POLR1C: variants seen among roughly 807,000 people sequenced by gnomAD.
POLR1C encodes the protein RNA polymerase I and III subunit C.
In POLR1C, 42 loss-of-function variants were observed where a neutral mutation model predicts 38.3. That is an observed-to-expected ratio of 1.10 (90% CI 0.86 to 1.42). The LOEUF (loss-of-function observed/expected upper bound fraction) is 1.42, where lower values mean the gene tolerates loss of function less well. Among genes scored for constraint, POLR1C ranks in the 40% most tolerant of loss-of-function variants. The pLI is 0.00. For synonymous variants in POLR1C, 163 were observed against 163.9 expected, an observed-to-expected ratio of 0.99 and a Z score of 0.04; for missense variants, 507 against 450.5, an observed-to-expected ratio of 1.13 and a Z score of -1.14.
At chr6:43,527,544 G>C in intron 8 of POLR1C, 5 of 1,300,530 alleles carry the variant, frequency 3.8e-6, no homozygotes, top group Non-Finnish European at 5.5e-6. Context: ...TGAATCCTTT[G>C]CATTAGTCAG....
In POLR1C at chr6:43,521,252, G is replaced by A. The variant is rs753847505; in HGVS notation, c.993G>A (p.Gly331=). The A allele has an allele frequency of 2.5e-6, 4 of 1,613,220 alleles. No individual in the cohort carries two copies. Residue 331 remains glycine, a synonymous_variant, in exon 9 of 9, where the codon GGG becomes GGA. Transcript: ENST00000642195. The stretch of plus-strand genomic sequence containing the variant: ...GTGAAGCCATCAAAGTACTGATGGG[G>A]AAGTGCCGGCGCTTCTTGGATGAAC... ...LVSEAIKVLM[G]KCRRFLDELD... is the part of the protein sequence containing the mutation.
intron 9 of POLR1C, among the ~76,000 whole-genome samples, chr6:43,545,297 C>T (rs1794908075): frequency 6.6e-6 from 1 of 152,168 alleles, no homozygotes; most frequent in Non-Finnish European, 1.5e-5. Context: ...GGTGTCTATT[C>T]CCAGGAGAGT....
chr6:43,546,221 T>C (rs1446688185), intron 9 of POLR1C, among the ~76,000 whole-genome samples: 1 of 152,102 alleles, frequency 6.6e-6, no homozygotes, highest in African/African-American at 2.4e-5. Flanking sequence ...AGAAGGCAAC[T>C]GCCCTGCTCC....
chr6:43,521,214 G>C lies in POLR1C; in HGVS notation c.955G>C (p.Asp319His), dbSNP rs1360823560. 6.2e-7 allele frequency: 1 copy of C among 1,614,090 alleles called. No individual in the cohort carries two copies. The highest frequency in any genetic ancestry group is 8.5e-7 in the Non-Finnish European group (1 of 1,180,026). ...SVESTGVLPP[D>H]VLVSEAIKVL... is the part of the protein sequence containing the mutation. ...TGAGTCAACGGGGGTGTTGCCACCA[G>C]ATGTGCTGGTGAGTGAAGCCATCAA... Residue 319 changes from aspartate to histidine, a missense_variant, in exon 9 of 9, where the codon GAT becomes CAT. Asp to His is a moderately conservative substitution (Grantham distance 81). Transcript: ENST00000642195.
At chr6:43,546,669 T>A in intron 9 of POLR1C, 1 of 1,613,484 alleles carries the variant, frequency 6.2e-7, no homozygotes, top group South Asian at 1.1e-5. Context: ...CCACCACAAA[T>A]CCCCCAGCTT....
At chr6:43,525,727 G>A, downstream of POLR1C, 1 of 1,136,478 alleles carries the variant, frequency 8.8e-7, no homozygotes, top group Non-Finnish European at 1.2e-6. Context: ...AGGAACTTAT[G>A]TAACAAAGGA....
chr6:43,523,469 T>C (rs1793326735), downstream of POLR1C: 2 of 359,238 alleles, frequency 5.6e-6, no homozygotes, highest in East Asian at 7.2e-5. Flanking sequence ...AGTTGAGGGC[T>C]GTGCTCTTGC....
chr6:43,549,772 T>A, intron 9 of POLR1C: 1 of 1,217,254 alleles, frequency 8.2e-7, no homozygotes, highest in Non-Finnish European at 1.2e-6. Context: ...AAACAACATA[T>A]ATGATAATCT....
chr6:43,532,942 C>T (rs1794074296), downstream of POLR1C, among the ~76,000 whole-genome samples: 4 of 152,070 alleles, frequency 2.6e-5, no homozygotes, highest in African/African-American at 4.8e-5. Context: ...GTCATGAGTT[C>T]GAGACCAGCC....
At chr6:43,562,243 T>C (rs1202717858) in exon 11 of POLR1C, 1 of 1,601,262 alleles carries the variant, frequency 6.2e-7, no homozygotes. Context: ...AAACACTAGC[T>C]CACCAGCAAT....
intron 8 of POLR1C, chr6:43,527,507 C>T (rs1293768383): frequency 6.8e-6 from 6 of 876,976 alleles, no homozygotes; most frequent in Admixed American, 2.4e-5. Flanking sequence ...CTTTTGACCT[C>T]GCAATCCACC....
intron 9 of POLR1C, among the ~76,000 whole-genome samples, chr6:43,536,330 G>A (rs1409535736): frequency 6.6e-6 from 1 of 151,002 alleles, no homozygotes. Context: ...CATAAGAATC[G>A]CTTGAACCCA....
downstream of POLR1C, chr6:43,533,856 A>G (rs1794153767): frequency 4.1e-5 from 57 of 1,375,756 alleles, no homozygotes; most frequent in Non-Finnish European, 5.5e-5. Flanking sequence ...AAAAGGGGAC[A>G]TCCATTAGGG....
downstream of POLR1C, among the ~76,000 whole-genome samples, chr6:43,522,143 A>G (rs1276107100): frequency 6.6e-6 from 1 of 152,194 alleles, no homozygotes; most frequent in Non-Finnish European, 1.5e-5. Flanking sequence ...CACTGTGAGA[A>G]TGGTATGGGC....
chr6:43,518,288 A>C (rs902233581), intron 2 of POLR1C, among the ~76,000 whole-genome samples: 5 of 152,230 alleles, frequency 3.3e-5, no homozygotes, highest in African/African-American at 1.2e-4. Context: ...GAAATAGAGC[A>C]AAGGTAGAAT....
At chr6:43,547,578 T>A in intron 9 of POLR1C, 1 of 1,607,334 alleles carries the variant, frequency 6.2e-7, no homozygotes, top group Non-Finnish European at 8.5e-7. Context: ...CCATGGCCAA[T>A]GCCACTTCCC....
chr6:43,553,283 C>A (rs758934156), intron 10 of POLR1C: 11 of 1,449,512 alleles, frequency 7.6e-6, no homozygotes, highest in Non-Finnish European at 1.0e-5. Context: ...GCCTGAGCAA[C>A]AGAGAGATAT....
downstream of POLR1C, chr6:43,533,975 A>G: frequency 6.2e-7 from 1 of 1,605,642 alleles, no homozygotes; most frequent in Non-Finnish European, 8.5e-7. Flanking sequence ...CATTTTGGCT[A>G]GCATTTCTGG....
At chr6:43,535,706 C>T (rs747048303) in intron 9 of POLR1C, among the ~76,000 whole-genome samples, 3 of 150,170 alleles carry the variant, frequency 2.0e-5, no homozygotes, top group Admixed American at 6.7e-5. Context: ...CCCAGCTACT[C>T]GGAAGGCTGA....
Sources: gnomAD v4.1 joint callset for allele counts (sites outside exome capture counted in the v4.1 genomes callset) on GRCh38, gnomAD v4.1.1 for gene constraint, MANE v1.5 for transcripts, NCBI Gene and HGNC (gene_info 2026-07-23, HGNC 2026-07-21) for gene names.